The following OSBP variants were observed in gnomAD, a reference collection of about 807,000 sequenced individuals.
The protein encoded by OSBP is oxysterol binding protein, also known as oxysterol-binding protein 1.
A neutral mutation model predicts 96.6 loss-of-function variants in OSBP; 32 were observed. That is an observed-to-expected ratio of 0.33 (90% CI 0.25 to 0.45). The LOEUF (loss-of-function observed/expected upper bound fraction) is 0.45, where lower values mean the gene tolerates loss of function less well. Ranked by LOEUF, OSBP falls within the 20% of genes least tolerant of loss-of-function variation. OSBP has a pLI of 1.00. For synonymous variants in OSBP, 369 were observed against 389.6 expected, an observed-to-expected ratio of 0.95 and a Z score of 0.62; for missense variants, 653 against 1,029.7, an observed-to-expected ratio of 0.63 and a Z score of 5.01.
intron 2 of OSBP, among the ~76,000 whole-genome samples, chr11:59,609,121 TC>T (rs2134675990): frequency 1.3e-5 from 2 of 152,332 alleles, no homozygotes; most frequent in East Asian, 3.9e-4. Context: ...ATTACTGAGC[TC>T]CTTAACTCTA....
rs1860913198 is a variant in OSBP, at chr11:59,615,452, G to A, written c.213C>T (p.Ala71=). ...CCGAGCCCCCAGTCGGCGGCGCAGG[G>A]GCCGGGCCAGCCGCCGCCACTCCCC... The part of the protein sequence containing the change: ...GAGGVAAAGP[A]PAPPTGGSGG... Residue 71 remains alanine (A), a synonymous_variant, in exon 1 of 14, where the codon GCC becomes GCT. Coordinates refer to ENST00000263847, the MANE Select transcript of OSBP (RefSeq NM_002556.3). 2 of 1,379,458 alleles carry A rather than the reference G, an allele frequency of 1.4e-6. No homozygotes were observed. Among genetic ancestry groups the A allele is most frequent in the Non-Finnish European group, 1.9e-6 (2 of 1,055,524 alleles). The allele number at this position is 1,379,458 out of a possible 1,614,324, so 85.5% of individuals were successfully genotyped here.
chr11:59,578,212 G>A lies in OSBP; in HGVS notation c.1997C>T (p.Ala666Val). The A allele has an allele frequency of 6.2e-7, 1 of 1,614,132 alleles. No individual in the cohort carries two copies. Among genetic ancestry groups the A allele is most frequent in the Non-Finnish European group, 8.5e-7 (1 of 1,180,028 alleles). Reference sequence around the variant, plus strand: ...CTCTGCTTCATGGCCTCTCTGTCGAGCATCACCCCCATTTTCCCCAATGAC... The same window carrying A: ...CTCTGCTTCATGGCCTCTCTGTCGAACATCACCCCCATTTTCCCCAATGAC... ...QPVIGENGGDARQRGHEAEES... is the reference protein window; with the variant it reads ...QPVIGENGGDVRQRGHEAEES... Residue 666 changes from alanine (A) to valine (V), a missense_variant, in exon 12 of 14, where the codon GCT (alanine) becomes GTT (valine). Ala to Val is a moderately conservative substitution (Grantham distance 64, BLOSUM62 0). Around this residue, in one of 6 missense-constraint regions of OSBP, gnomAD observed 169 missense variants for 251.5 expected, o/e 0.67. Coordinates refer to ENST00000263847, the MANE Select transcript of OSBP (RefSeq NM_002556.3).
At chr11:59,585,078 C>T (rs910425647) in intron 9 of OSBP, among the ~76,000 whole-genome samples, 4 of 151,678 alleles carry the variant, frequency 2.6e-5, no homozygotes, top group Middle Eastern at 6.8e-3. Context: ...AAGTGAGGAG[C>T]GTCTCTGCCT....
intron 9 of OSBP, 142 bp downstream of exon 9, chr11:59,593,462 T>A (rs1294638086): frequency 1.2e-6 from 1 of 839,188 alleles, no homozygotes; most frequent in Admixed American, 2.3e-5. Context: ...AAAAGTTAAA[T>A]ACCTGCCCAA....
At chr11:59,586,400 T>A (rs192485748) in intron 9 of OSBP, among the ~76,000 whole-genome samples, 279 of 152,146 alleles carry the variant, frequency 1.8e-3, no homozygotes, top group Middle Eastern at 3.4e-3. Context: ...CTGAAAGAAA[T>A]TAAAGTTAAG....
At chr11:59,594,891 G>A (rs908984517) in intron 7 of OSBP, among the ~76,000 whole-genome samples, 18 of 152,062 alleles carry the variant, frequency 1.2e-4, no homozygotes, top group African/African-American at 3.6e-4. Context: ...AGCTTAAGGC[G>A]ACCAAGTACT....
chr11:59,584,982 G>A (rs529947955), intron 9 of OSBP, among the ~76,000 whole-genome samples: 223 of 152,254 alleles, frequency 1.5e-3, no homozygotes, highest in African/African-American at 5.1e-3. Context: ...ATCTCGGCTC[G>A]CTACAACCTC....
chr11:59,596,747 C>G (rs1001716572), intron 7 of OSBP, among the ~76,000 whole-genome samples: 8 of 152,126 alleles, frequency 5.3e-5, no homozygotes, highest in African/African-American at 1.9e-4. Flanking sequence ...GGGGAGGCCT[C>G]TCCAGTGAAA....
chr11:59,586,539 A>G (rs1193714356), intron 9 of OSBP, among the ~76,000 whole-genome samples: 1 of 152,264 alleles, frequency 6.6e-6, no homozygotes, highest in Admixed American at 6.5e-5. Context: ...TGTTTTCTGC[A>G]GAAATAGAAA....
chr11:59,611,083 T>C (rs1318656574), intron 1 of OSBP, among the ~76,000 whole-genome samples: 4 of 139,724 alleles, frequency 2.9e-5, no homozygotes, highest in Non-Finnish European at 6.0e-5. Flanking sequence ...TGCAGTGAGC[T>C]GAGATCCCAC....
chr11:59,588,703 T>C (rs1860533878), intron 9 of OSBP, among the ~76,000 whole-genome samples: 1 of 151,812 alleles, frequency 6.6e-6, no homozygotes, highest in African/African-American at 2.4e-5. Context: ...GTTATGTGTA[T>C]TTTACAATTA....
intron 11 of OSBP, among the ~76,000 whole-genome samples, chr11:59,579,704 T>C (rs528852237): frequency 6.6e-6 from 1 of 151,990 alleles, no homozygotes; most frequent in African/African-American, 2.4e-5. Flanking sequence ...TCTTTCTTGA[T>C]GACTTTCTCC....
At chr11:59,583,318 A>AAAAAAT (rs1190814999) in intron 9 of OSBP, among the ~76,000 whole-genome samples, 7 of 152,308 alleles carry the variant, frequency 4.6e-5, no homozygotes, top group Admixed American at 4.6e-4. Context: ...TCTCAAAAAT[A>AAAAAAT]AAAAATAAAA....
chr11:59,613,891 A>C (rs2134712463), intron 1 of OSBP, among the ~76,000 whole-genome samples: 1 of 152,346 alleles, frequency 6.6e-6, no homozygotes, highest in South Asian at 2.1e-4. Flanking sequence ...AAATTCTCTA[A>C]GAGCCAATAC....
chr11:59,599,149 A>C (rs1860690448), intron 7 of OSBP, among the ~76,000 whole-genome samples: 1 of 152,248 alleles, frequency 6.6e-6, no homozygotes, highest in African/African-American at 2.4e-5. Context: ...CTTTTTCTGC[A>C]AAGGGCTGGA....
At chr11:59,592,902 T>A (rs577224112) in intron 9 of OSBP, among the ~76,000 whole-genome samples, 88 of 152,114 alleles carry the variant, frequency 5.8e-4, no homozygotes, top group African/African-American at 2.0e-3. Flanking sequence ...TTCAAGCAAT[T>A]CTTGTGCCTC....
intron 9 of OSBP, among the ~76,000 whole-genome samples, chr11:59,591,575 CT>C (rs1565116742): frequency 2.0e-5 from 3 of 149,822 alleles, no homozygotes; most frequent in Admixed American, 6.7e-5. Flanking sequence ...ATTTTTTGGT[CT>C]TTTTTTGTAT....
chr11:59,597,316 A>AC (rs1565118288), intron 7 of OSBP, among the ~76,000 whole-genome samples: 1 of 151,916 alleles, frequency 6.6e-6, no homozygotes, highest in African/African-American at 2.4e-5. Flanking sequence ...AAGTGCTGGG[A>AC]TTTTTTTACA....
chr11:59,585,705 G>A (rs183099056), intron 9 of OSBP, among the ~76,000 whole-genome samples: 41 of 152,382 alleles, frequency 2.7e-4, no homozygotes, highest in African/African-American at 9.6e-4. Context: ...TGATGACAAT[G>A]GCGGTTTTGT....
Sources: gnomAD v4.1 joint callset for allele counts (sites outside exome capture counted in the v4.1 genomes callset) on GRCh38, gnomAD v4.1.1 for gene constraint, gnomAD v4.1.1 regional missense constraint, MANE v1.5 for transcripts, NCBI Gene and HGNC (gene_info 2026-07-23, HGNC 2026-07-21) for gene names.